The following TBC1D8 variants were observed in gnomAD, a reference collection of about 807,000 sequenced individuals.
The protein encoded by TBC1D8 is TBC1 domain family member 8, also known as BUB2-like protein 1.
A neutral mutation model predicts 118.8 loss-of-function variants in TBC1D8; 65 were observed. The observed-to-expected ratio is 0.55, with a 90% confidence interval of 0.45 to 0.67. The LOEUF is 0.67. Among genes scored for constraint, TBC1D8 ranks in the 30% least tolerant of loss-of-function variants. The probability of loss-of-function intolerance (pLI) is 0.00; values close to 1 mark genes in which losing one functional copy is unlikely to be tolerated. For synonymous variants in TBC1D8, 566 were observed against 595.8 expected (o/e 0.95, Z 0.73); for missense variants, 1,376 against 1,471.2 (o/e 0.94, Z 1.06).
rs1177031459 is a variant in TBC1D8 at position 101,095,441 on chromosome 2, T to C, written c.128-5077A>G. On this transcript the variant is annotated intron_variant, in intron 1 of 19. Coordinates refer to ENST00000409318, the MANE Select transcript of TBC1D8 (RefSeq NM_001330348.2). Reference sequence around the variant, plus strand: ...CAACAGTCCCCGGTGTGTGATGTTCTCCTTCCTGTGTCCATGTGTTCTCAT... The same window carrying C: ...CAACAGTCCCCGGTGTGTGATGTTCCCCTTCCTGTGTCCATGTGTTCTCAT... 4.3e-4 allele frequency among the ~76,000 whole-genome samples: 55 copies of C among 127,602 alleles called. No individual in the cohort carries two copies. In the East Asian group the frequency reaches 9.7e-3, roughly 23 times the overall value. The allele number at this position is 127,602 out of a possible 152,430, so 83.7% of individuals were successfully genotyped here. A position where few individuals can be genotyped will look rare whatever the true frequency, so the allele number is the denominator to read the frequency against.
At chr2:101,030,638 A>C (rs1396382141) in intron 11 of TBC1D8, among the ~76,000 whole-genome samples, 1 of 152,210 alleles carries the variant, frequency 6.6e-6, no homozygotes, top group Non-Finnish European at 1.5e-5. Flanking sequence ...CTATGACCCC[A>C]CAATTCTCCT....
intron 1 of TBC1D8, among the ~76,000 whole-genome samples, chr2:101,138,460 A>G (rs891412320): frequency 6.6e-6 from 1 of 152,142 alleles, no homozygotes; most frequent in African/African-American, 2.4e-5. Context: ...TGCAGGTTAA[A>G]GGCTCGGTCC....
intron 17 of TBC1D8, among the ~76,000 whole-genome samples, chr2:101,020,793 A>G (rs1442771903): frequency 3.9e-5 from 6 of 151,902 alleles, no homozygotes; most frequent in Non-Finnish European, 8.8e-5. Flanking sequence ...GCACTGTTCC[A>G]CTCCATCCCA....
rs751741531 is a variant in TBC1D8, at chr2:101,033,424, C to T, written c.1818+120G>A. 11 of 1,196,662 alleles carry T rather than the reference C, an allele frequency of 9.2e-6. No individual in the cohort carries two copies. In the East Asian group the frequency reaches 1.7e-4, roughly 19 times the overall value. The allele number at this position is 1,196,662 out of a possible 1,614,324, so 74.1% of individuals were successfully genotyped here. A position where few individuals can be genotyped will look rare whatever the true frequency, so the allele number is the denominator to read the frequency against. On this transcript the variant is annotated intron_variant, in intron 10 of 19. Coordinates refer to ENST00000409318, the MANE Select transcript of TBC1D8 (RefSeq NM_001330348.2). ...TTTCTTTCCGGAAAGGGACCGAGTACAGCGCCTTCACACGACAACACTCAG... is the reference window on the plus strand; with the variant it reads ...TTTCTTTCCGGAAAGGGACCGAGTATAGCGCCTTCACACGACAACACTCAG...
At position 101,037,593 on chromosome 2, in the gene TBC1D8, T is replaced by C; in HGVS notation, c.1391A>G (p.His464Arg). The C allele has an allele frequency of 6.2e-7, 1 of 1,613,462 alleles. No homozygotes were observed. Among genetic ancestry groups the C allele is most frequent in the Non-Finnish European group, 8.5e-7 (1 of 1,179,896 alleles). Residue 464 changes from histidine to arginine, a missense_variant, in exon 8 of 20, where the codon CAC becomes CGC. Physicochemically the swap from His to Arg is conservative, Grantham distance 29. Coordinates refer to ENST00000409318, the MANE Select transcript of TBC1D8 (RefSeq NM_001330348.2). Reference sequence around the variant, plus strand: ...GAAGGCGGTGACCAGGGCATCGGGGTGCATCAGCGGGCTCTTCTCTTTCTC... The same window carrying C: ...GAAGGCGGTGACCAGGGCATCGGGGCGCATCAGCGGGCTCTTCTCTTTCTC... ...ESEKEKSPLMHPDALVTAFQQ... is the reference protein window; with the variant it reads ...ESEKEKSPLMRPDALVTAFQQ...
chr2:101,047,765 CTTCT>C (rs1681803519), intron 5 of TBC1D8, among the ~76,000 whole-genome samples: 1 of 152,202 alleles, frequency 6.6e-6, no homozygotes, highest in Non-Finnish European at 1.5e-5. Context: ...CCTCTCCCCT[CTTCT>C]TTCTGATAAT....
At chr2:101,035,511 A>C (rs916730156) in intron 9 of TBC1D8, among the ~76,000 whole-genome samples, 23 of 152,332 alleles carry the variant, frequency 1.5e-4, no homozygotes, top group Non-Finnish European at 3.2e-4. Context: ...GAATGGGTCC[A>C]GCAGAAAAGA....
At chr2:101,137,424 T>G (rs1211458968) in intron 1 of TBC1D8, among the ~76,000 whole-genome samples, 3 of 152,164 alleles carry the variant, frequency 2.0e-5, no homozygotes. Context: ...GCCATTCTCC[T>G]GCCTCAGCCT....
At chr2:101,015,248 A>C (rs1159924750) in intron 17 of TBC1D8, among the ~76,000 whole-genome samples, 1 of 152,202 alleles carries the variant, frequency 6.6e-6, no homozygotes, top group Non-Finnish European at 1.5e-5. Context: ...TAAAAGAAAA[A>C]AAAATGGTAT....
rs376941786 is a variant in TBC1D8 at position 101,038,626 on chromosome 2, C to T, written c.1110G>A (p.Thr370=). 4 of 1,613,962 alleles carry T rather than the reference C, an allele frequency of 2.5e-6. No individual in the cohort carries two copies. Among genetic ancestry groups the T allele is most frequent in the East Asian group, 2.2e-5 (1 of 44,886 alleles). Residue 370 remains threonine (T), a synonymous_variant, in exon 7 of 20, where the codon ACG becomes ACA. Coordinates refer to ENST00000409318, the MANE Select transcript of TBC1D8 (RefSeq NM_001330348.2). The part of the protein sequence containing the change: ...EVVSIEKMED[T]SLLPHPIIVS... ...CAATGATGGGATGCGGCAGCAGGCT[C>T]GTGTCCTCCATCTTCTCGATGCTCA... is the stretch of plus-strand genomic sequence containing the variant.
intron 2 of TBC1D8, among the ~76,000 whole-genome samples, chr2:101,083,132 A>G (rs2309938): frequency 6.6e-6 from 1 of 151,606 alleles, no homozygotes; most frequent in South Asian, 2.1e-4. Context: ...TCTTTATATG[A>G]GGAAGTCTTA....
At chr2:101,069,843 T>C (rs566736343) in intron 2 of TBC1D8, among the ~76,000 whole-genome samples, 2 of 152,266 alleles carry the variant, frequency 1.3e-5, no homozygotes, top group East Asian at 1.9e-4. Context: ...ACTATTCTTA[T>C]CGCTTTCAGT....
chr2:101,028,334 T>C lies in TBC1D8; in HGVS notation c.2321A>G (p.Asp774Gly), dbSNP rs754149783. ...SDDQEPYPVT[D>G]ISDLIRDSYE... ...GGAATCCCGGATCAGGTCCGAAATA[T>C]CAGTCACAGGGTAGGGCTCCTGGTC... Residue 774 changes from aspartate (D) to glycine (G), a missense_variant, in exon 13 of 20, where the codon GAT becomes GGT. Coordinates refer to ENST00000409318, the MANE Select transcript of TBC1D8 (RefSeq NM_001330348.2). 8 of 1,612,924 alleles carry C rather than the reference T, an allele frequency of 5.0e-6. No homozygotes were observed. The highest frequency in any genetic ancestry group is 1.3e-5 in the African/African-American group (1 of 75,014).
chr2:101,061,098 G>C (rs903996182), intron 2 of TBC1D8, among the ~76,000 whole-genome samples: 2 of 143,866 alleles, frequency 1.4e-5, no homozygotes, highest in Admixed American at 1.5e-4. Flanking sequence ...TGGGTCAGGA[G>C]AATCTGTCGA....
chr2:101,142,610 C>A (rs1366387973), intron 1 of TBC1D8, among the ~76,000 whole-genome samples: 1 of 151,920 alleles, frequency 6.6e-6, no homozygotes, highest in Non-Finnish European at 1.5e-5. Flanking sequence ...TACCATGGGT[C>A]AAAGTGAGAA....
chr2:101,018,833 TCTC>T (rs769244600), intron 17 of TBC1D8, among the ~76,000 whole-genome samples: 2 of 152,156 alleles, frequency 1.3e-5, no homozygotes, highest in East Asian at 1.9e-4. Flanking sequence ...CCCAGGAAGT[TCTC>T]CTCTGAAAGT....
At chr2:101,021,844 A>G (rs1237257162) in intron 16 of TBC1D8, 98 bp from the exon 17 acceptor site, 2 of 766,980 alleles carry the variant, frequency 2.6e-6, no homozygotes, top group Non-Finnish European at 2.2e-6. Context: ...GAAGGTCAAT[A>G]CCTGCCACCC....
chr2:101,010,266 A>C (rs1358545973), intron 19 of TBC1D8, among the ~76,000 whole-genome samples: 1 of 152,204 alleles, frequency 6.6e-6, no homozygotes, highest in African/African-American at 2.4e-5. Flanking sequence ...AGTACTGTGT[A>C]TCATGCAGCC....
chr2:101,033,788 G>T lies in TBC1D8; in HGVS notation c.1604-30C>A, dbSNP rs767196325. On this transcript the variant is annotated intron_variant, in intron 9 of 19. Coordinates refer to ENST00000409318, the MANE Select transcript of TBC1D8 (RefSeq NM_001330348.2). Reference sequence around the variant, plus strand: ...GTTTTAAAAGCAATGTTTCAAGGGGGAATGATTACTAGGATGGTGTCATGA... The same window carrying T: ...GTTTTAAAAGCAATGTTTCAAGGGGTAATGATTACTAGGATGGTGTCATGA... 28 of 1,598,904 alleles carry T rather than the reference G, an allele frequency of 1.8e-5. No homozygotes were observed. The South Asian group carries it at 3.0e-4, about 17-fold the overall frequency.
Sources: allele counts gnomAD v4.1 joint callset (sites outside exome capture counted in the v4.1 genomes callset), GRCh38; gene constraint gnomAD v4.1.1; transcripts MANE v1.5; gene names NCBI Gene and HGNC (gene_info 2026-07-23, HGNC 2026-07-21).